The following ICE2 variants were observed in gnomAD, a reference collection of about 807,000 sequenced individuals.
ICE2 encodes the protein little elongation complex subunit 2.
ICE2 carries 87 observed loss-of-function variants against 105.4 expected under a neutral mutation model. The ratio of observed to expected loss-of-function variants is 0.83; its 90% CI spans 0.69 to 0.99. The LOEUF (loss-of-function observed/expected upper bound fraction) is 0.99. Ranked by LOEUF, ICE2 falls within the 50% of genes least tolerant of loss-of-function variation. The probability of loss-of-function intolerance (pLI) is 0.00; values close to 1 mark genes in which losing one functional copy is unlikely to be tolerated. For synonymous variants in ICE2, 399 were observed against 392.0 expected (o/e 1.02, Z -0.21); for missense variants, 1,323 against 1,146.7 (o/e 1.15, Z -2.22).
At chr15:60,464,392 A>G (rs1165859511) in intron 5 of ICE2, among the ~76,000 whole-genome samples, 1 of 151,990 alleles carries the variant, frequency 6.6e-6, no homozygotes, top group East Asian at 1.9e-4. Flanking sequence ...AGTGAGGGGA[A>G]GGACAATAAG....
chr15:60,435,645 G>A (rs1011448893), intron 13 of ICE2, among the ~76,000 whole-genome samples: 2 of 148,978 alleles, frequency 1.3e-5, no homozygotes, highest in Non-Finnish European at 3.0e-5. Flanking sequence ...ACGTATAACC[G>A]TCATCTACCA....
chr15:60,468,246 T>G lies in ICE2; in HGVS notation c.223A>C (p.Lys75Gln). The change falls in exon 4 of 16, where the codon AAG becomes CAG. Residue 75 changes from lysine (K) to glutamine (Q), a missense_variant. Transcript: ENST00000261520. Reference protein sequence around the residue: ...EPAVSSATQAKEKVKTTIGMV... With the variant: ...EPAVSSATQAQEKVKTTIGMV... Reference sequence around the variant, plus strand: ...CCAATTGTGGTTTTAACTTTTTCCTTTGCTTGAGTTGCTGAACTAACTGCC... The same window carrying G: ...CCAATTGTGGTTTTAACTTTTTCCTGTGCTTGAGTTGCTGAACTAACTGCC... The G allele has an allele frequency of 3.1e-6, 5 of 1,613,862 alleles. No individual in the cohort carries two copies. Among genetic ancestry groups the G allele is most frequent in the Non-Finnish European group, 4.2e-6 (5 of 1,179,790 alleles).
chr15:60,459,093 G>C (rs1029128744), intron 5 of ICE2, among the ~76,000 whole-genome samples: 1 of 152,122 alleles, frequency 6.6e-6, no homozygotes, highest in African/African-American at 2.4e-5. Flanking sequence ...CACTTAAATG[G>C]TGAAAACGGT....
chr15:60,470,488 C>T (rs2064560143), intron 3 of ICE2, among the ~76,000 whole-genome samples: 1 of 152,142 alleles, frequency 6.6e-6, no homozygotes, highest in African/African-American at 2.4e-5. Context: ...AGGGGGAATA[C>T]TAAATGCCTG....
At chr15:60,476,893 T>A (rs1266822896) in intron 2 of ICE2, among the ~76,000 whole-genome samples, 1 of 152,192 alleles carries the variant, frequency 6.6e-6, no homozygotes, top group Non-Finnish European at 1.5e-5. Context: ...TGTGCAAAGG[T>A]TCTAAACCAC....
In ICE2 at chr15:60,421,192, TAA is replaced by T. The variant is rs982712762; in HGVS notation, c.*2440_*2441del. On this transcript the variant is annotated 3_prime_UTR_variant, in exon 16 of 16. Transcript: ENST00000261520. ...AGGGTGATCACATCCTTGCTAGCCC[TAA>T]GTCTGATTTAAAAAAAAAAAAAAAA... 2 of 102,766 alleles carry T rather than the reference TAA, an allele frequency of 1.9e-5. No individual in the cohort carries two copies. Among genetic ancestry groups the T allele is most frequent in the African/African-American group, 7.4e-5 (2 of 27,054 alleles). 6.4% of individuals were successfully genotyped at this position (102,766 alleles called of 1,614,324 possible).
rs2063385034 is a variant in ICE2 at position 60,428,470 on chromosome 15, T to C, written c.2779A>G (p.Thr927Ala). The change falls in exon 15 of 16, where the codon ACT (threonine) becomes GCT (alanine). Residue 927 changes from threonine to alanine, a missense_variant. Transcript: ENST00000261520. Reference protein sequence around the residue: ...YHIHHGRIPCTFPPKSLDTTT... With the variant: ...YHIHHGRIPCAFPPKSLDTTT... ...GTATCCAGTGATTTCGGTGGAAAAG[T>C]ACAAGGTATTCTTCCATGATGGATA... 1 of 1,614,110 alleles carries C rather than the reference T, an allele frequency of 6.2e-7. No homozygotes were observed. Among genetic ancestry groups the C allele is most frequent in the East Asian group, 2.2e-5 (1 of 44,876 alleles).
chr15:60,428,339 T>C (rs2063381217), intron 15 of ICE2, 90 bp downstream of exon 15: 1 of 1,338,200 alleles, frequency 7.5e-7, no homozygotes, highest in Non-Finnish European at 1.0e-6. Flanking sequence ...AATATGACAA[T>C]GAGAACATCA....
intron 5 of ICE2, among the ~76,000 whole-genome samples, chr15:60,462,158 G>A (rs1371727856): frequency 1.3e-5 from 2 of 152,180 alleles, no homozygotes; most frequent in Admixed American, 6.5e-5. Flanking sequence ...CAAATAGTAA[G>A]TAAGGGAAAG....
chr15:60,467,890 G>A (rs1018519006), intron 4 of ICE2, among the ~76,000 whole-genome samples, 171 bp downstream of exon 4: 2 of 152,066 alleles, frequency 1.3e-5, no homozygotes, highest in Admixed American at 1.3e-4. Context: ...CAAAATGCTT[G>A]AACTACAATG....
At chr15:60,424,536 T>C (rs943103477) in intron 15 of ICE2, among the ~76,000 whole-genome samples, 2 of 152,116 alleles carry the variant, frequency 1.3e-5, no homozygotes, top group African/African-American at 4.8e-5. Context: ...AGACAGAGTC[T>C]CGCTCTGTCA....
intron 15 of ICE2, 105 bp from the exon 16 acceptor site, chr15:60,423,867 G>C (rs573511801): frequency 1.9e-6 from 2 of 1,033,522 alleles, no homozygotes; most frequent in Non-Finnish European, 2.6e-6. Context: ...TTGCAAATAA[G>C]CTCTTATATA....
At chr15:60,442,867 C>G (rs903820396) in intron 11 of ICE2, 1 of 180,832 alleles carries the variant, frequency 5.5e-6, no homozygotes, top group African/African-American at 2.4e-5. Flanking sequence ...TGCAACAAAG[C>G]CTATCATACA....
intron 5 of ICE2, among the ~76,000 whole-genome samples, chr15:60,465,492 A>G (rs1226227624): frequency 6.6e-6 from 1 of 152,072 alleles, no homozygotes; most frequent in Non-Finnish European, 1.5e-5. Flanking sequence ...CGGACTTTTT[A>G]AAAAAACAGT....
rs1291682619 is a variant in ICE2, at chr15:60,428,334, G to C, written c.2820+95C>G. 1.2e-5 allele frequency: 15 copies of C among 1,298,360 alleles called. No homozygotes were observed. In the East Asian group the frequency reaches 3.2e-4, roughly 28 times the overall value. The allele number at this position is 1,298,360 out of a possible 1,614,324, so 80.4% of individuals were successfully genotyped here. On this transcript the variant is annotated intron_variant, in intron 15 of 15. Coordinates refer to ENST00000261520, the MANE Select transcript of ICE2 (RefSeq NM_024611.6). ...TTTAGAATGGTGCTGTGATTAATAT[G>C]ACAATGAGAACATCAGGGTGAAATA...
intron 12 of ICE2, among the ~76,000 whole-genome samples, chr15:60,437,215 A>G (rs2063613659): frequency 6.6e-6 from 1 of 152,080 alleles, no homozygotes; most frequent in Non-Finnish European, 1.5e-5. Flanking sequence ...ATACAGTGCT[A>G]CAGCACTCCA....
intron 13 of ICE2, among the ~76,000 whole-genome samples, chr15:60,434,906 C>T (rs2063549333): frequency 6.6e-6 from 1 of 152,136 alleles, no homozygotes; most frequent in Admixed American, 6.6e-5. Flanking sequence ...TATAATGTTC[C>T]TAACACAAAG....
intron 15 of ICE2, among the ~76,000 whole-genome samples, chr15:60,424,646 T>G (rs895139531): frequency 6.6e-6 from 1 of 152,156 alleles, no homozygotes; most frequent in South Asian, 2.1e-4. Flanking sequence ...GCAGCTGGGA[T>G]TACAGGTGTG....
At chr15:60,425,659 ACTCGTGACTATGGGAT>A (rs1389550119) in intron 15 of ICE2, among the ~76,000 whole-genome samples, 1 of 152,064 alleles carries the variant, frequency 6.6e-6, no homozygotes, top group Non-Finnish European at 1.5e-5. Context: ...GTTCAAGTGG[ACTCGTGACTATGGGAT>A]CACATTAGAG....
Sources: allele counts gnomAD v4.1 joint callset (sites outside exome capture counted in the v4.1 genomes callset), GRCh38; gene constraint gnomAD v4.1.1; transcripts MANE v1.5; gene names NCBI Gene and HGNC (gene_info 2026-07-23, HGNC 2026-07-21).